The following SLC8B1 variants were observed in gnomAD, a reference collection of about 807,000 sequenced individuals.
SLC8B1 encodes mitochondrial sodium/calcium exchanger protein.
In SLC8B1, 52 loss-of-function variants were observed where a neutral mutation model predicts 63.4. The ratio of observed to expected loss-of-function variants is 0.82; its 90% confidence interval spans 0.66 to 1.03. The LOEUF is 1.03. Among genes scored for constraint, SLC8B1 ranks in the 50% least tolerant of loss-of-function variants. The probability of loss-of-function intolerance (pLI) is 0.00; values close to 1 mark genes in which losing one functional copy is unlikely to be tolerated. For synonymous variants in SLC8B1, 336 were observed against 323.9 expected (o/e 1.04, Z -0.40); for missense variants, 657 against 741.7 (o/e 0.89, Z 1.33).
At position 113,333,157 on chromosome 12, in the gene SLC8B1, G is replaced by A. The variant is rs922684544; in HGVS notation, c.-82-197C>T. Among the ~76,000 whole-genome samples, 24 of 152,212 alleles carry A rather than the reference G, an allele frequency of 1.6e-4. 1 individual carries two copies. Among genetic ancestry groups the A allele is most frequent in the Non-Finnish European group, 1.3e-4 (9 of 68,044 alleles). On this transcript the variant is annotated intron_variant, in intron 1 of 15. Transcript: ENST00000680972. ...CCCATTCAGCGTGCAGATCAGATAC[G>A]CCCTTCTTCCTGAGAACCCATGAAA...
intron 15 of SLC8B1, among the ~76,000 whole-genome samples, chr12:113,303,009 GCACA>G (rs369621637): frequency 2.7e-5 from 4 of 148,350 alleles, no homozygotes; most frequent in Non-Finnish European, 3.0e-5. Context: ...AGACACACGC[GCACA>G]CACACACACA....
At chr12:113,331,041 A>G (rs966714718) in intron 2 of SLC8B1, among the ~76,000 whole-genome samples, 7 of 152,004 alleles carry the variant, frequency 4.6e-5, no homozygotes, top group Non-Finnish European at 8.8e-5. Context: ...CTCTAACTCC[A>G]GCGTCGTCAT....
rs758499474 is a variant in SLC8B1 at position 113,307,783 on chromosome 12, A to C, written c.1319T>G (p.Val440Gly). 6.2e-7 allele frequency: 1 copy of C among 1,613,710 alleles called. No individual in the cohort carries two copies. Among genetic ancestry groups the C allele is most frequent in the East Asian group, 2.2e-5 (1 of 44,874 alleles). Residue 440 changes from valine (V) to glycine (G), a missense_variant, in exon 13 of 16, where the codon GTG becomes GGG. Coordinates refer to ENST00000680972, the MANE Select transcript of SLC8B1 (RefSeq NM_001358345.2). ...ALWINAAATE[V>G]VNILRSLGVV... ...ACCCAGGGACCGCAAGATGTTCACC[A>C]CCTCTGTGGCGGCCGCGTTGATCCA...
intron 15 of SLC8B1, among the ~76,000 whole-genome samples, chr12:113,302,932 C>G (rs756669145): frequency 1.3e-5 from 2 of 152,150 alleles, no homozygotes; most frequent in Non-Finnish European, 2.9e-5. Flanking sequence ...CCATGGACAT[C>G]CTTCCATGTT....
chr12:113,332,646 A>G (rs527824100), intron 2 of SLC8B1, 77 bp downstream of exon 2: 24 of 1,496,654 alleles, frequency 1.6e-5, no homozygotes, highest in African/African-American at 8.4e-5. Flanking sequence ...CCTGGCACAT[A>G]GTAGATGCTC....
At position 113,320,299 on chromosome 12, in the gene SLC8B1, G is replaced by T; in HGVS notation, c.694+32C>A. On this transcript the variant is annotated intron_variant, in intron 7 of 15. Transcript: ENST00000680972. The surrounding 1 kb of genome is among the most constrained non-coding windows in gnomAD (Gnocchi z 5.3). The stretch of plus-strand genomic sequence containing the variant: ...CTAAACCTCCTGCCCATCAGCCCTG[G>T]GATCTCACGCCTGAGCCCCAGAGCT... 6.2e-7 allele frequency: 1 copy of T among 1,609,710 alleles called. No homozygotes were observed. Among genetic ancestry groups the T allele is most frequent in the South Asian group, 1.1e-5 (1 of 90,646 alleles).
intron 2 of SLC8B1, among the ~76,000 whole-genome samples, chr12:113,331,114 C>A (rs1437862053): frequency 1.3e-5 from 2 of 152,038 alleles, no homozygotes; most frequent in African/African-American, 4.8e-5. Context: ...CTGATCAGGC[C>A]AGGAACCTGG....
At chr12:113,326,633 G>A (rs1386100291) in intron 2 of SLC8B1, among the ~76,000 whole-genome samples, 2 of 150,752 alleles carry the variant, frequency 1.3e-5, no homozygotes, top group Admixed American at 1.3e-4. Flanking sequence ...CTCCCAAAGT[G>A]CTGGGATTAC....
At chr12:113,314,031 A>G (rs761640667) in intron 11 of SLC8B1, among the ~76,000 whole-genome samples, 1 of 152,126 alleles carries the variant, frequency 6.6e-6, no homozygotes, top group Non-Finnish European at 1.5e-5. Context: ...ATAAAAATAA[A>G]TAAATAAATA....
intron 8 of SLC8B1, 77 bp downstream of exon 8, chr12:113,318,887 G>A: frequency 8.9e-7 from 1 of 1,124,966 alleles, no homozygotes; most frequent in Non-Finnish European, 1.3e-6. Context: ...GGCCTCAGGA[G>A]ACCCTGGGCA....
chr12:113,328,330 G>A (rs73192860), intron 2 of SLC8B1, among the ~76,000 whole-genome samples: 18,571 of 152,216 alleles, frequency 0.12, 1,292 homozygotes, highest in African/African-American at 0.2. Context: ...AGCCTGGCCA[G>A]AAATTTTTCT....
At chr12:113,331,699 C>T (rs1214052200) in intron 2 of SLC8B1, among the ~76,000 whole-genome samples, 2 of 152,130 alleles carry the variant, frequency 1.3e-5, no homozygotes, top group Non-Finnish European at 2.9e-5. Context: ...CCTCGCTCTT[C>T]AGCTTGCAGA....
intron 2 of SLC8B1, among the ~76,000 whole-genome samples, chr12:113,330,004 TG>T (rs1957038238): frequency 6.6e-6 from 1 of 152,196 alleles, no homozygotes; most frequent in Non-Finnish European, 1.5e-5. Flanking sequence ...TCACTTCCCC[TG>T]GATCTTCATA....
At chr12:113,328,790 C>T (rs1327977925) in intron 2 of SLC8B1, among the ~76,000 whole-genome samples, 3 of 149,348 alleles carry the variant, frequency 2.0e-5, no homozygotes, top group African/African-American at 5.0e-5. Context: ...CTTACTCCAT[C>T]GCCCAGGCAG....
At chr12:113,321,141 A>G in intron 3 of SLC8B1, 33 bp from the exon 4 acceptor site, 1 of 1,613,988 alleles carries the variant, frequency 6.2e-7, no homozygotes, top group Non-Finnish European at 8.5e-7. Flanking sequence ...AGGGAGAGTC[A>G]AGTCCAGCTG....
chr12:113,329,252 C>T (rs1957030348), intron 2 of SLC8B1, among the ~76,000 whole-genome samples: 1 of 152,210 alleles, frequency 6.6e-6, no homozygotes, highest in Admixed American at 6.5e-5. Context: ...GGCAAAGTGG[C>T]TTGCCCAGGA....
Position 113,307,721 on chromosome 12 carries a change from T to G in SLC8B1, c.1381A>C (p.Thr461Pro). Residue 461 changes from threonine to proline, a missense_variant, in exon 13 of 16, where the codon ACG (threonine) becomes CCG (proline). Physicochemically the swap from Thr to Pro is conservative, Grantham distance 38. Transcript: ENST00000680972. ...FRLSNTVLGL[T>P]LLAWGNSIGD... ...ATGCTGTTCCCCCAGGCCAGCAGCG[T>G]GAGCCCCAGCACAGTGTTGCTCAGC... 1 of 1,614,036 alleles carries G rather than the reference T, an allele frequency of 6.2e-7. No individual in the cohort carries two copies. Among genetic ancestry groups the G allele is most frequent in the Non-Finnish European group, 8.5e-7 (1 of 1,180,018 alleles).
chr12:113,328,830 C>A (rs902554495), intron 2 of SLC8B1, among the ~76,000 whole-genome samples: 2 of 151,654 alleles, frequency 1.3e-5, no homozygotes, highest in Non-Finnish European at 2.9e-5. Flanking sequence ...CAGCTCACTG[C>A]AACCTCCATC....
At chr12:113,316,228 A>G (rs917530439) in intron 10 of SLC8B1, among the ~76,000 whole-genome samples, 6 of 151,444 alleles carry the variant, frequency 4.0e-5, no homozygotes, top group Non-Finnish European at 8.9e-5. Context: ...TCTGTCTCAA[A>G]AAAAAAAAAA....
Sources: allele counts gnomAD v4.1 joint callset (sites outside exome capture counted in the v4.1 genomes callset), GRCh38; gene constraint gnomAD v4.1.1; non-coding constraint Gnocchi (gnomAD v3.1); transcripts MANE v1.5; gene names NCBI Gene and HGNC (gene_info 2026-07-23, HGNC 2026-07-21).